The following MAD1L1 variants were observed in gnomAD, a reference collection of about 807,000 sequenced individuals.
The protein encoded by MAD1L1 is mitotic spindle assembly checkpoint protein MAD1.
Under a neutral mutation model 96.9 loss-of-function variants are expected in MAD1L1, and 95 were observed. That is an observed-to-expected ratio of 0.98 (90% confidence interval 0.83 to 1.16). MAD1L1 has a LOEUF of 1.16. Ranked by LOEUF, MAD1L1 falls within the 50% of genes most tolerant of loss-of-function variation. MAD1L1 has a pLI of 0.00. For missense variants in MAD1L1, 1,007 were observed against 954.4 expected (o/e 1.06, Z -0.73); for synonymous variants, 473 against 396.6 (o/e 1.19, Z -2.29).
At chr7:1,821,738 C>T (rs1437811910) in intron 18 of MAD1L1, among the ~76,000 whole-genome samples, 1 of 152,190 alleles carries the variant, frequency 6.6e-6, no homozygotes, top group East Asian at 1.9e-4. Context: ...AATCTCCATT[C>T]CTGACAAGAA....
intron 18 of MAD1L1, among the ~76,000 whole-genome samples, chr7:1,821,175 T>TA (rs1209484165): frequency 6.7e-6 from 1 of 148,656 alleles, no homozygotes; most frequent in Non-Finnish European, 1.5e-5. Flanking sequence ...AAAATAACAA[T>TA]AAAAAATACT....
intron 9 of MAD1L1, among the ~76,000 whole-genome samples, chr7:2,215,058 C>A (rs1040012428): frequency 6.6e-6 from 1 of 151,932 alleles, no homozygotes; most frequent in Non-Finnish European, 1.5e-5. Flanking sequence ...ACAGGGAGAC[C>A]CCATCTCTAC....
Position 2,219,451 on chromosome 7 carries a change from G to T in MAD1L1, c.477C>A (p.Ile159=). ...EDSLAQAGET[I]NALKGRISEL... ...CCGAGATCCTCCCCTTCAGTGCGTT[G>T]ATGGTCTAAAAGTAGAGGGGACCAG... is the stretch of plus-strand genomic sequence containing the variant. The change falls in exon 6 of 19, where the codon ATC becomes ATA. Residue 159 remains isoleucine (I), a synonymous_variant. Coordinates refer to ENST00000265854, the MANE Select transcript of MAD1L1 (RefSeq NM_001013836.2). 1 of 1,613,716 alleles carries T rather than the reference G, an allele frequency of 6.2e-7. No homozygotes were observed.
intron 11 of MAD1L1, among the ~76,000 whole-genome samples, chr7:2,097,599 G>A (rs1393115349): frequency 1.3e-5 from 2 of 152,232 alleles, no homozygotes; most frequent in African/African-American, 4.8e-5. Flanking sequence ...CTATGAGGGT[G>A]AGAACCCAGG....
chr7:2,102,151 C>T (rs1354123911), intron 11 of MAD1L1, among the ~76,000 whole-genome samples: 1 of 152,050 alleles, frequency 6.6e-6, no homozygotes, highest in East Asian at 1.9e-4. Context: ...GCCACTGCAC[C>T]CACCATCATC....
In MAD1L1 at chr7:1,921,389, G is replaced by C. The variant is rs548901473; in HGVS notation, c.1807+15298C>G. ...GCTGGAGTGCAATGGTGTGATTTTG[G>C]CTTACTGCAACCTCCATCCCCCAGG... On this transcript the variant is annotated intron_variant, in intron 17 of 18. Coordinates refer to ENST00000265854, the MANE Select transcript of MAD1L1 (RefSeq NM_001013836.2). Among the ~76,000 whole-genome samples, 60 of 151,394 alleles carry C rather than the reference G, an allele frequency of 4.0e-4. 3 individuals are homozygous for C. The South Asian group carries it at 0.01, about 26-fold the overall frequency.
intron 18 of MAD1L1, among the ~76,000 whole-genome samples, chr7:1,868,411 C>T (rs373255772): frequency 5.9e-5 from 9 of 152,262 alleles, no homozygotes; most frequent in South Asian, 2.1e-4. Context: ...ACGCAGGCCG[C>T]GCCTCCCGGG....
chr7:2,158,685 CT>C (rs1434476403), intron 10 of MAD1L1, among the ~76,000 whole-genome samples: 1 of 152,250 alleles, frequency 6.6e-6, no homozygotes, highest in African/African-American at 2.4e-5. Context: ...GTCAGCCGGA[CT>C]TTTCTGGCTG....
At position 2,103,942 on chromosome 7, in the gene MAD1L1, C is replaced by G. The variant is rs1786951988; in HGVS notation, c.1074-34604G>C. On this transcript the variant is annotated intron_variant, in intron 11 of 18. Coordinates refer to ENST00000265854, the MANE Select transcript of MAD1L1 (RefSeq NM_001013836.2). This position sits in a 1 kb window ranked among gnomAD's most constrained non-coding sequence, Gnocchi z 4.3. ...CCGCTGGACGTCGGAGAAAGAGGCC[C>G]CCAGACACATGGCAGAGAATCAAAT... 1.3e-5 allele frequency among the ~76,000 whole-genome samples: 2 copies of G among 152,202 alleles called. No homozygotes were observed. Among genetic ancestry groups the G allele is most frequent in the Non-Finnish European group, 2.9e-5 (2 of 68,044 alleles).
intron 17 of MAD1L1, among the ~76,000 whole-genome samples, chr7:1,921,262 G>A (rs1018807460): frequency 2.6e-5 from 4 of 152,134 alleles, no homozygotes; most frequent in Non-Finnish European, 4.4e-5. Flanking sequence ...TAACTTCAGT[G>A]TAATTTCAGT....
intron 17 of MAD1L1, among the ~76,000 whole-genome samples, chr7:1,912,440 T>C (rs1158314841): frequency 6.6e-6 from 1 of 152,114 alleles, no homozygotes; most frequent in East Asian, 1.9e-4. Context: ...GAGATAAGAA[T>C]GGGTGGCCAC....
chr7:1,860,964 C>T (rs1221700643), intron 18 of MAD1L1, among the ~76,000 whole-genome samples: 1 of 152,188 alleles, frequency 6.6e-6, no homozygotes, highest in Non-Finnish European at 1.5e-5. Context: ...AGGGGCTAGT[C>T]TATAGGTGGT....
chr7:2,024,776 A>G (rs1782929555), intron 12 of MAD1L1, among the ~76,000 whole-genome samples: 1 of 152,234 alleles, frequency 6.6e-6, no homozygotes. Flanking sequence ...GAAAAAAAAC[A>G]GGCTGTATCT....
intron 18 of MAD1L1, among the ~76,000 whole-genome samples, chr7:1,859,623 GCAGCCCTGCAGAGGAGGGAGGAGA>G (rs1324131056): frequency 1.3e-5 from 2 of 152,172 alleles, no homozygotes; most frequent in African/African-American, 4.8e-5. Flanking sequence ...GATGCCAGTG[GCAGCCCTGCAGAGGAGGGAGGAGA>G]CAGGCCCCAG....
chr7:1,840,798 G>A (rs1485749702), intron 18 of MAD1L1, among the ~76,000 whole-genome samples: 1 of 152,206 alleles, frequency 6.6e-6, no homozygotes, highest in African/African-American at 2.4e-5. Context: ...TTAGCGGCCT[G>A]GGCATGCGGT....
At chr7:2,081,960 G>A (rs1785674503) in intron 11 of MAD1L1, among the ~76,000 whole-genome samples, 1 of 152,230 alleles carries the variant, frequency 6.6e-6, no homozygotes, top group Non-Finnish European at 1.5e-5. Flanking sequence ...CAGCTTCCAG[G>A]GACAGAGGAA....
chr7:2,024,675 A>T (rs1311455085), intron 12 of MAD1L1, among the ~76,000 whole-genome samples: 3 of 152,224 alleles, frequency 2.0e-5, no homozygotes, highest in Non-Finnish European at 2.9e-5. Context: ...TTGGAATCCC[A>T]GCCAGCCCCA....
intron 18 of MAD1L1, among the ~76,000 whole-genome samples, chr7:1,839,584 A>G (rs995536350): frequency 1.3e-5 from 2 of 152,194 alleles, no homozygotes; most frequent in Non-Finnish European, 2.9e-5. Flanking sequence ...GGCCATAGAG[A>G]GCATTTCCGG....
At chr7:2,073,700 C>A (rs1584256716) in intron 11 of MAD1L1, among the ~76,000 whole-genome samples, 1 of 152,304 alleles carries the variant, frequency 6.6e-6, no homozygotes, top group Middle Eastern at 3.4e-3. Flanking sequence ...TCTGCAGCAC[C>A]CCAGAGGGTA....
Sources: allele counts gnomAD v4.1 joint callset (sites outside exome capture counted in the v4.1 genomes callset), GRCh38; gene constraint gnomAD v4.1.1; non-coding constraint Gnocchi (gnomAD v3.1); transcripts MANE v1.5; gene names NCBI Gene and HGNC (gene_info 2026-07-23, HGNC 2026-07-21).